Variants in ANAPC10 observed in about 807,000 individuals in gnomAD.
ANAPC10 encodes anaphase-promoting complex subunit 10.
A neutral mutation model predicts 22.0 loss-of-function variants in ANAPC10; 12 were observed. The observed-to-expected ratio is 0.55, with a 90% CI of 0.35 to 0.88. ANAPC10 has a LOEUF of 0.88. Among genes scored for constraint, ANAPC10 ranks in the 40% least tolerant of loss-of-function variants. ANAPC10 has a pLI of 0.01. For synonymous variants in ANAPC10, 65 were observed against 69.5 expected, an observed-to-expected ratio of 0.94 and a Z score of 0.32; for missense variants, 188 against 220.9, an observed-to-expected ratio of 0.85 and a Z score of 0.94.
intron 4 of ANAPC10, among the ~76,000 whole-genome samples, chr4:145,001,936 T>C (rs1732634238): frequency 6.6e-6 from 1 of 152,086 alleles, no homozygotes; most frequent in Admixed American, 6.6e-5. Flanking sequence ...AGGAAGTAAT[T>C]CATCAATAAA....
At chr4:145,097,394 C>A (rs902151465) in intron 1 of ANAPC10, 2 of 950,086 alleles carry the variant, frequency 2.1e-6, no homozygotes, top group African/African-American at 3.4e-5. Context: ...CACTTCAATA[C>A]TGGATCGTGA....
At chr4:145,087,772 C>T (rs569989781) in intron 2 of ANAPC10, among the ~76,000 whole-genome samples, 45 of 152,180 alleles carry the variant, frequency 3.0e-4, no homozygotes, top group African/African-American at 1.0e-3. Context: ...TGAGGCCAGG[C>T]GCAATGACTC....
At chr4:145,014,210 G>T (rs1734767037) in intron 4 of ANAPC10, among the ~76,000 whole-genome samples, 1 of 152,034 alleles carries the variant, frequency 6.6e-6, no homozygotes, top group African/African-American at 2.4e-5. Context: ...AGGTCTGCTT[G>T]CCCACTGCCT....
chr4:145,093,676 TATA>T (rs1748056616), intron 2 of ANAPC10, among the ~76,000 whole-genome samples: 1 of 151,666 alleles, frequency 6.6e-6, no homozygotes, highest in Non-Finnish European at 1.5e-5. Context: ...AAATAAAAAA[TATA>T]ATATCACAGA....
chr4:145,068,388 AG>A (rs1438613677), intron 3 of ANAPC10, among the ~76,000 whole-genome samples: 1 of 152,210 alleles, frequency 6.6e-6, no homozygotes, highest in Non-Finnish European at 1.5e-5. Flanking sequence ...ATAAACCCTA[AG>A]GTACAAAACT....
At chr4:145,032,026 G>A (rs1247895752) in intron 4 of ANAPC10, among the ~76,000 whole-genome samples, 2 of 152,222 alleles carry the variant, frequency 1.3e-5, no homozygotes, top group Admixed American at 6.5e-5. Flanking sequence ...ACATGAGGAA[G>A]TGGCTCGAAT....
intron 4 of ANAPC10, among the ~76,000 whole-genome samples, chr4:145,032,324 T>C (rs961212814): frequency 5.9e-5 from 9 of 152,202 alleles, no homozygotes; most frequent in African/African-American, 1.9e-4. Flanking sequence ...AATGGCCGGA[T>C]GTACAATTAT....
intron 2 of ANAPC10, among the ~76,000 whole-genome samples, chr4:145,087,037 T>C (rs1747004768): frequency 6.6e-6 from 1 of 151,780 alleles, no homozygotes; most frequent in Non-Finnish European, 1.5e-5. Context: ...AGGCGGTAAA[T>C]GTGCTTGCAA....
At chr4:145,023,270 C>T (rs1304432643) in intron 4 of ANAPC10, among the ~76,000 whole-genome samples, 1 of 152,120 alleles carries the variant, frequency 6.6e-6, no homozygotes, top group Non-Finnish European at 1.5e-5. Flanking sequence ...TGAAAGTAAT[C>T]TATCCTAGAG....
At chr4:145,009,991 A>C (rs544556626) in intron 4 of ANAPC10, among the ~76,000 whole-genome samples, 24 of 152,094 alleles carry the variant, frequency 1.6e-4, no homozygotes, top group African/African-American at 5.1e-4. Context: ...AATCAAACAA[A>C]CCCATCAAAA....
chr4:145,095,433 T>C (rs1748360283), intron 2 of ANAPC10, among the ~76,000 whole-genome samples: 1 of 152,174 alleles, frequency 6.6e-6, no homozygotes, highest in South Asian at 2.1e-4. Flanking sequence ...ATATCCACAC[T>C]GTGTATACTA....
intron 4 of ANAPC10, among the ~76,000 whole-genome samples, chr4:145,037,117 G>A (rs897120339): frequency 1.3e-5 from 2 of 151,208 alleles, no homozygotes; most frequent in Non-Finnish European, 2.9e-5. Context: ...AGAAACTCCA[G>A]AACACAGTTG....
chr4:145,070,719 C>A (rs1486353538), intron 3 of ANAPC10, among the ~76,000 whole-genome samples: 1 of 152,148 alleles, frequency 6.6e-6, no homozygotes, highest in African/African-American at 2.4e-5. Flanking sequence ...GTATTATTTA[C>A]AACAGCCGAA....
intron 4 of ANAPC10, among the ~76,000 whole-genome samples, chr4:145,010,654 C>T (rs1032357620): frequency 1.3e-4 from 20 of 151,864 alleles, no homozygotes; most frequent in Non-Finnish European, 2.5e-4. Flanking sequence ...TGGGGAACAT[C>T]GCACCCTGGG....
At position 145,055,730 on chromosome 4, in the gene ANAPC10, A is replaced by G. The variant is rs74709075; in HGVS notation, c.327+8842T>C. On this transcript the variant is annotated intron_variant, in intron 4 of 4. Coordinates refer to ENST00000507656, the MANE Select transcript of ANAPC10 (RefSeq NM_001256706.2). Reference sequence around the variant, plus strand: ...AGTCAAATTCATAGAAACAAAAACTAGAACAGTGCTCACCAGGGCCTGGAG... The same window carrying G: ...AGTCAAATTCATAGAAACAAAAACTGGAACAGTGCTCACCAGGGCCTGGAG... Among the ~76,000 whole-genome samples the G allele has an allele frequency of 7.3e-4, 111 of 152,256 alleles. 2 individuals are homozygous for G. The East Asian group carries it at 0.015, about 21-fold the overall frequency.
At chr4:145,084,553 C>T (rs1442030738) in intron 2 of ANAPC10, among the ~76,000 whole-genome samples, 1 of 151,730 alleles carries the variant, frequency 6.6e-6, no homozygotes, top group East Asian at 1.9e-4. Flanking sequence ...ACATAAAATA[C>T]ACTAACATTA....
At chr4:145,096,723 CT>C (rs562422991) in intron 1 of ANAPC10, among the ~76,000 whole-genome samples, 3 of 150,338 alleles carry the variant, frequency 2.0e-5, no homozygotes, top group Non-Finnish European at 3.0e-5. Flanking sequence ...TACTTAATTC[CT>C]TTTTTTTTAG....
intron 4 of ANAPC10, chr4:145,053,599 A>G: frequency 2.4e-6 from 1 of 422,302 alleles, no homozygotes; most frequent in Non-Finnish European, 4.2e-6. Flanking sequence ...ATACAAGAGG[A>G]AAGATTCCCA....
At chr4:145,018,551 T>C (rs1431688961) in intron 4 of ANAPC10, among the ~76,000 whole-genome samples, 3 of 151,920 alleles carry the variant, frequency 2.0e-5, no homozygotes, top group Admixed American at 1.3e-4. Flanking sequence ...GGCAGGAGAA[T>C]TGCTTTAACC....
Sources: allele counts gnomAD v4.1 joint callset (sites outside exome capture counted in the v4.1 genomes callset), GRCh38; gene constraint gnomAD v4.1.1; transcripts MANE v1.5; gene names NCBI Gene and HGNC (gene_info 2026-07-23, HGNC 2026-07-21).